INPP4B: variants seen among roughly 807,000 people sequenced by gnomAD.
INPP4B encodes inositol polyphosphate-4-phosphatase type II B.
In INPP4B, 55 loss-of-function variants were observed where a neutral mutation model predicts 122.5. The ratio of observed to expected loss-of-function variants is 0.45; its 90% CI spans 0.36 to 0.56. INPP4B has a LOEUF of 0.56. Ranked by LOEUF, INPP4B falls within the 20% of genes least tolerant of loss-of-function variation. The probability of loss-of-function intolerance (pLI) is 0.00; values close to 1 mark genes in which losing one functional copy is unlikely to be tolerated. For synonymous variants in INPP4B, 403 were observed against 388.7 expected (o/e 1.04, Z -0.43); for missense variants, 1,000 against 1,097.7 (o/e 0.91, Z 1.26).
chr4:142,843,971 G>T (rs1783876045), intron 1 of INPP4B, among the ~76,000 whole-genome samples: 1 of 152,056 alleles, frequency 6.6e-6, no homozygotes, highest in African/African-American at 2.4e-5. Flanking sequence ...TAAGCTTAAT[G>T]ATTTTCCATT....
At chr4:142,106,738 A>G (rs2152680084) in intron 23 of INPP4B, among the ~76,000 whole-genome samples, 1 of 152,322 alleles carries the variant, frequency 6.6e-6, no homozygotes, top group South Asian at 2.1e-4. Context: ...CTATTAAAAC[A>G]CAGACTCGGG....
intron 2 of INPP4B, among the ~76,000 whole-genome samples, chr4:142,658,487 C>T (rs1296733522): frequency 6.6e-6 from 1 of 152,184 alleles, no homozygotes; most frequent in Non-Finnish European, 1.5e-5. Flanking sequence ...TGATTTACAG[C>T]CTTTAAGAAT....
At chr4:142,720,763 C>A (rs1338161451) in intron 2 of INPP4B, among the ~76,000 whole-genome samples, 1,083 of 11,128 alleles carry the variant, frequency 0.097, 73 homozygotes, top group African/African-American at 0.29. Flanking sequence ...TATATATAAT[C>A]TCTCTCTCTC....
At chr4:142,071,541 G>A (rs1767332230) in intron 25 of INPP4B, among the ~76,000 whole-genome samples, 2 of 152,124 alleles carry the variant, frequency 1.3e-5, no homozygotes, top group African/African-American at 4.8e-5. Context: ...CCATCAGAGT[G>A]AACAGGCAAC....
chr4:142,190,622 C>T (rs1330598213), intron 15 of INPP4B, among the ~76,000 whole-genome samples: 2 of 151,798 alleles, frequency 1.3e-5, no homozygotes, highest in African/African-American at 4.8e-5. Context: ...ATCCATAAAG[C>T]AATGAAACAC....
chr4:142,459,616 G>T (rs1041711297), intron 3 of INPP4B, among the ~76,000 whole-genome samples: 1 of 152,120 alleles, frequency 6.6e-6, no homozygotes, highest in African/African-American at 2.4e-5. Flanking sequence ...TTTCAGATGG[G>T]TGATTATTCA....
At chr4:142,296,287 TA>T (rs140587777) in intron 9 of INPP4B, among the ~76,000 whole-genome samples, 12,100 of 151,804 alleles carry the variant, frequency 0.08, 642 homozygotes, top group Middle Eastern at 0.16. Context: ...ATTAGGAACA[TA>T]AAAAAAATAC....
chr4:142,801,867 G>A (rs1163533354), intron 1 of INPP4B, among the ~76,000 whole-genome samples: 1 of 152,076 alleles, frequency 6.6e-6, no homozygotes, highest in African/African-American at 2.4e-5. Context: ...TGGTCCTGTC[G>A]AGTTTTTTTT....
At chr4:142,823,411 T>A (rs1397429807) in intron 1 of INPP4B, among the ~76,000 whole-genome samples, 1 of 152,110 alleles carries the variant, frequency 6.6e-6, no homozygotes, top group Non-Finnish European at 1.5e-5. Flanking sequence ...TAATAATTCA[T>A]AATAATAAAA....
intron 7 of INPP4B, among the ~76,000 whole-genome samples, chr4:142,394,294 T>A (rs1283477988): frequency 6.6e-6 from 1 of 152,160 alleles, no homozygotes; most frequent in Non-Finnish European, 1.5e-5. Context: ...TACAGGCTCC[T>A]GTCACCACGC....
chr4:142,458,790 A>G (rs1816072453), intron 3 of INPP4B, among the ~76,000 whole-genome samples: 1 of 152,230 alleles, frequency 6.6e-6, no homozygotes, highest in Non-Finnish European at 1.5e-5. Flanking sequence ...TGTGGCTGAT[A>G]GAGAAACAGT....
intron 2 of INPP4B, among the ~76,000 whole-genome samples, chr4:142,622,217 T>G (rs1030502425): frequency 7.2e-5 from 11 of 151,908 alleles, no homozygotes; most frequent in Non-Finnish European, 1.3e-4. Context: ...ACTTTAATGA[T>G]GTAAATAAAA....
At chr4:142,152,682 C>T (rs1004648730) in intron 17 of INPP4B, among the ~76,000 whole-genome samples, 1 of 152,140 alleles carries the variant, frequency 6.6e-6, no homozygotes, top group African/African-American at 2.4e-5. Context: ...CAACCTCAAA[C>T]ACCTAGGCTT....
chr4:142,273,978 G>A lies in INPP4B; in HGVS notation c.504-3204C>T, dbSNP rs112242089. ...AAAATTTACCATACAAAGAATACAG[G>A]TATCCACACTTCTTGTCAATTAGGA... is the stretch of plus-strand genomic sequence containing the variant. On this transcript the variant is annotated intron_variant, in intron 9 of 25. Coordinates refer to ENST00000262992, the MANE Select transcript of INPP4B (RefSeq NM_001101669.3). 1.3e-3 allele frequency among the ~76,000 whole-genome samples: 197 copies of A among 151,756 alleles called. 1 individual carries two copies. The highest frequency in any genetic ancestry group is 6.8e-3 in the Middle Eastern group (2 of 294).
rs1776626062 is a variant in INPP4B at position 142,086,132 on chromosome 4, G to A, written c.2487+12C>T. On this transcript the variant is annotated intron_variant, in intron 24 of 25. Transcript: ENST00000262992. ...CATGGCAGGAAATAAGATTTGACAT[G>A]AGAGTGCTTACCGTTGCAGCCAGCC... The A allele has an allele frequency of 2.1e-6, 3 of 1,454,728 alleles. No homozygotes were observed. The highest frequency in any genetic ancestry group is 2.3e-5 in the East Asian group (1 of 44,028). The allele number at this position is 1,454,728 out of a possible 1,614,324, so 90.1% of individuals were successfully genotyped here. A position where few individuals can be genotyped will look rare whatever the true frequency, so the allele number is the denominator to read the frequency against.
chr4:142,384,089 A>G (rs1201355087), intron 7 of INPP4B: 6 of 702,176 alleles, frequency 8.5e-6, no homozygotes, highest in South Asian at 1.5e-5. Flanking sequence ...AGATCCACTT[A>G]TACTCAAATT....
At chr4:142,840,402 T>C (rs970130169) in intron 1 of INPP4B, among the ~76,000 whole-genome samples, 1 of 152,158 alleles carries the variant, frequency 6.6e-6, no homozygotes, top group Non-Finnish European at 1.5e-5. Context: ...TAAGTTTTTT[T>C]CTATCATGTT....
At chr4:142,435,415 T>C (rs1238909482) in intron 3 of INPP4B, among the ~76,000 whole-genome samples, 2 of 129,752 alleles carry the variant, frequency 1.5e-5, no homozygotes, top group African/African-American at 2.9e-5. Context: ...TAATGAAATG[T>C]TTAAAAAATC....
rs554751019 is a variant in INPP4B at position 142,795,935 on chromosome 4, A to G, written c.-254+50274T>C. On this transcript the variant is annotated intron_variant, in intron 1 of 25. Coordinates refer to ENST00000262992, the MANE Select transcript of INPP4B (RefSeq NM_001101669.3). ...TGTGTCAATTTAATAAGCCTCCTAT[A>G]TTTTCTCGCCTAATTTAATCACTAT... Among the ~76,000 whole-genome samples, 49 of 152,032 alleles carry G rather than the reference A, an allele frequency of 3.2e-4. 1 individual carries two copies. The South Asian group carries it at 4.2e-3, about 13-fold the overall frequency.
Sources: allele counts gnomAD v4.1 joint callset (sites outside exome capture counted in the v4.1 genomes callset), GRCh38; gene constraint gnomAD v4.1.1; transcripts MANE v1.5; gene names NCBI Gene and HGNC (gene_info 2026-07-23, HGNC 2026-07-21).